ALK: variants seen among roughly 807,000 people sequenced by gnomAD.
The protein encoded by ALK is ALK receptor tyrosine kinase.
In ALK, 74 loss-of-function variants were observed where a neutral mutation model predicts 163.1. The ratio of observed to expected loss-of-function variants is 0.45; its 90% CI spans 0.38 to 0.55. ALK has a LOEUF of 0.55. ALK is among the 20% of genes least tolerant of loss of function. The probability of loss-of-function intolerance (pLI) is 0.00; values close to 1 mark genes in which losing one functional copy is unlikely to be tolerated. For synonymous variants in ALK, 960 were observed against 843.2 expected, an observed-to-expected ratio of 1.14 and a Z score of -2.40; for missense variants, 2,063 against 2,105.3, an observed-to-expected ratio of 0.98 and a Z score of 0.39.
chr2:29,794,268 T>C (rs943710070), intron 1 of ALK, among the ~76,000 whole-genome samples: 3 of 152,162 alleles, frequency 2.0e-5, no homozygotes, highest in South Asian at 2.1e-4. Context: ...TTGGCCTTCA[T>C]AGAATTGAAG....
intron 1 of ALK, among the ~76,000 whole-genome samples, chr2:29,896,281 C>T (rs72798427): frequency 0.071 from 10,849 of 152,058 alleles, 603 homozygotes; most frequent in East Asian, 0.16. Flanking sequence ...AGGGTACCTC[C>T]GACCCCCAAG....
At chr2:29,797,033 C>A (rs1664335247) in intron 1 of ALK, among the ~76,000 whole-genome samples, 1 of 151,052 alleles carries the variant, frequency 6.6e-6, no homozygotes, top group African/African-American at 2.4e-5. Context: ...CACACATACA[C>A]ACACATATAT....
At position 29,193,820 on chromosome 2, in the gene ALK, G is replaced by C. The variant is rs2148138869; in HGVS notation, c.4267C>G (p.Pro1423Ala). ...TTTGCCTGTTGAGAGACCAGGAGAG[G>C]AGGAACCCCCTCAGGGTCCTTGGGC... is the stretch of plus-strand genomic sequence containing the variant. Reference protein sequence around the residue: ...VRPKDPEGVPPLLVSQQAKRE... With the variant: ...VRPKDPEGVPALLVSQQAKRE... The change falls in exon 29 of 29, where the codon CCT (proline) becomes GCT (alanine). Residue 1423 changes from proline to alanine, a missense_variant. Pro to Ala is a conservative substitution (Grantham distance 27). This residue lies in a region of ALK where 403 missense variants were observed against 366.2 expected (regional missense o/e 1.10). Transcript: ENST00000389048. The C allele has an allele frequency of 6.2e-7, 1 of 1,607,212 alleles. No homozygotes were observed. Among genetic ancestry groups the C allele is most frequent in the Non-Finnish European group, 8.5e-7 (1 of 1,176,838 alleles).
chr2:29,328,955 A>T (rs137926571), intron 5 of ALK, among the ~76,000 whole-genome samples: 113 of 152,292 alleles, frequency 7.4e-4, no homozygotes, highest in African/African-American at 2.6e-3. Context: ...TATTGAGAAG[A>T]TATTAGAAAG....
chr2:29,255,042 T>C (rs1199061519), intron 11 of ALK, among the ~76,000 whole-genome samples: 1 of 152,196 alleles, frequency 6.6e-6, no homozygotes, highest in Non-Finnish European at 1.5e-5. Context: ...GTCAGACCCA[T>C]GATTTATCTT....
At chr2:29,241,368 C>T (rs1400423183) in intron 12 of ALK, among the ~76,000 whole-genome samples, 1 of 152,050 alleles carries the variant, frequency 6.6e-6, no homozygotes, top group Non-Finnish European at 1.5e-5. Flanking sequence ...AGAGAAGAAT[C>T]ATTTTCATTC....
intron 4 of ALK, among the ~76,000 whole-genome samples, chr2:29,473,511 G>T (rs1671421414): frequency 6.6e-6 from 1 of 152,238 alleles, no homozygotes; most frequent in African/African-American, 2.4e-5. Flanking sequence ...ACTGTTGTCT[G>T]TAATATATAA....
chr2:29,253,844 T>TTAGATAGA (rs10539749), intron 11 of ALK, among the ~76,000 whole-genome samples: 1,866 of 143,576 alleles, frequency 0.013, 16 homozygotes, highest in East Asian at 0.024. Context: ...TATATCTATA[T>TTAGATAGA]TAGATAGATA....
At chr2:29,580,083 CATTTT>C (rs1040116150) in intron 3 of ALK, among the ~76,000 whole-genome samples, 1 of 152,136 alleles carries the variant, frequency 6.6e-6, no homozygotes, top group African/African-American at 2.4e-5. Context: ...AGCACAGTGG[CATTTT>C]CTTTCTGCCA....
At chr2:29,645,163 T>G (rs1573524105) in intron 3 of ALK, among the ~76,000 whole-genome samples, 1 of 152,138 alleles carries the variant, frequency 6.6e-6, no homozygotes, top group East Asian at 1.9e-4. Context: ...AGTGGGTAAG[T>G]GCATCTATGA....
At chr2:29,678,452 T>G (rs965556336) in intron 3 of ALK, among the ~76,000 whole-genome samples, 1 of 151,614 alleles carries the variant, frequency 6.6e-6, no homozygotes, top group East Asian at 1.9e-4. Flanking sequence ...TTTTTTTCTC[T>G]GAGCACTTTT....
At chr2:29,593,331 A>G (rs77182064) in intron 3 of ALK, among the ~76,000 whole-genome samples, 3,824 of 152,310 alleles carry the variant, frequency 0.025, 156 homozygotes, top group African/African-American at 0.087. Context: ...ACCATTGCCT[A>G]TGGAGAAACA....
intron 1 of ALK, among the ~76,000 whole-genome samples, chr2:29,767,411 T>C (rs944690391): frequency 6.6e-6 from 1 of 152,232 alleles, no homozygotes; most frequent in Non-Finnish European, 1.5e-5. Context: ...AGGACCGTTG[T>C]GATTTTAAAA....
chr2:29,213,272 T>A (rs190807936), intron 24 of ALK, among the ~76,000 whole-genome samples: 163 of 152,364 alleles, frequency 1.1e-3, no homozygotes, highest in African/African-American at 3.6e-3. Flanking sequence ...CACAGCATGA[T>A]GTCCCAGTCT....
chr2:29,712,619 T>C (rs988844614), intron 2 of ALK, among the ~76,000 whole-genome samples: 4 of 122,262 alleles, frequency 3.3e-5, no homozygotes, highest in African/African-American at 1.7e-4. Flanking sequence ...TTAGGCTGAT[T>C]TTTTTTTTTT....
intron 4 of ALK, among the ~76,000 whole-genome samples, chr2:29,530,451 C>T (rs1284668778): frequency 6.6e-6 from 1 of 152,320 alleles, no homozygotes; most frequent in East Asian, 1.9e-4. Context: ...GTGAATCCTC[C>T]CACCCGCCAC....
At chr2:29,274,690 G>C (rs1477640329) in intron 11 of ALK, among the ~76,000 whole-genome samples, 1 of 152,182 alleles carries the variant, frequency 6.6e-6, no homozygotes, top group African/African-American at 2.4e-5. Flanking sequence ...CCCATGATGG[G>C]GTAGCCTACC....
At chr2:29,463,318 AC>A (rs1353252470) in intron 4 of ALK, among the ~76,000 whole-genome samples, 1 of 152,202 alleles carries the variant, frequency 6.6e-6, no homozygotes, top group African/African-American at 2.4e-5. Context: ...CACTTGAAAT[AC>A]CACAGAAAAT....
intron 4 of ALK, among the ~76,000 whole-genome samples, chr2:29,415,027 C>A (rs545761391): frequency 1.3e-5 from 2 of 151,722 alleles, no homozygotes; most frequent in East Asian, 3.9e-4. Flanking sequence ...TGTGTGCACA[C>A]ACATGCACAG....
Sources: gnomAD v4.1 joint callset for allele counts (sites outside exome capture counted in the v4.1 genomes callset) on GRCh38, gnomAD v4.1.1 for gene constraint, gnomAD v4.1.1 regional missense constraint, MANE v1.5 for transcripts, NCBI Gene and HGNC (gene_info 2026-07-23, HGNC 2026-07-21) for gene names.